Variants in KAZN observed in about 807,000 individuals in gnomAD.
KAZN encodes the protein kazrin, periplakin interacting protein.
Under a neutral mutation model 87.4 loss-of-function variants are expected in KAZN, and 40 were observed. The ratio of observed to expected loss-of-function variants is 0.46; its 90% CI spans 0.36 to 0.60. The LOEUF (loss-of-function observed/expected upper bound fraction) is 0.60, where lower values mean the gene tolerates loss of function less well. Among genes scored for constraint, KAZN ranks in the 20% least tolerant of loss-of-function variants. The pLI is 0.00. For synonymous variants in KAZN, 466 were observed against 458.3 expected (o/e 1.02, Z -0.22); for missense variants, 898 against 1,073.9 (o/e 0.84, Z 2.29).
At chr1:14,738,271 C>T (rs1643973027) in intron 1 of KAZN, among the ~76,000 whole-genome samples, 1 of 152,128 alleles carries the variant, frequency 6.6e-6, no homozygotes, top group Admixed American at 6.5e-5. Flanking sequence ...GCATGATTTG[C>T]CTGTGGTGTG....
intron 1 of KAZN, among the ~76,000 whole-genome samples, chr1:14,736,471 T>G (rs1643911481): frequency 6.8e-6 from 1 of 146,740 alleles, no homozygotes; most frequent in Non-Finnish European, 1.5e-5. Flanking sequence ...GCTAATTTTT[T>G]TTTTTTTTTT....
At chr1:14,944,156 C>T (rs904176354) in intron 1 of KAZN, among the ~76,000 whole-genome samples, 1 of 149,298 alleles carries the variant, frequency 6.7e-6, no homozygotes, top group Non-Finnish European at 1.5e-5. Flanking sequence ...GGAAGAAATT[C>T]TGTCTTCAGA....
intron 2 of KAZN, among the ~76,000 whole-genome samples, chr1:14,501,711 A>G (rs1670263665): frequency 6.6e-6 from 1 of 152,174 alleles, no homozygotes; most frequent in Admixed American, 6.5e-5. Context: ...ATAAATGGCA[A>G]TACTCCCCAA....
chr1:14,734,689 G>A (rs1643838333), intron 1 of KAZN, among the ~76,000 whole-genome samples: 1 of 152,188 alleles, frequency 6.6e-6, no homozygotes, highest in Non-Finnish European at 1.5e-5. Flanking sequence ...ACTAGCAAAG[G>A]CTGATCTCAT....
intron 2 of KAZN, among the ~76,000 whole-genome samples, chr1:14,342,121 T>C (rs1304271648): frequency 6.6e-6 from 1 of 152,212 alleles, no homozygotes; most frequent in Non-Finnish European, 1.5e-5. Flanking sequence ...CTAAGGATAA[T>C]GGCTTCTAGC....
At chr1:14,428,332 C>T (rs545799836) in intron 2 of KAZN, among the ~76,000 whole-genome samples, 1 of 152,098 alleles carries the variant, frequency 6.6e-6, no homozygotes, top group African/African-American at 2.4e-5. Context: ...ATATACCCTC[C>T]CCATTCAAAT....
intron 1 of KAZN, among the ~76,000 whole-genome samples, chr1:14,169,525 G>A (rs1030512349): frequency 6.6e-6 from 1 of 152,148 alleles, no homozygotes; most frequent in African/African-American, 2.4e-5. Context: ...GCTGTCCTAG[G>A]TTGAGCACAC....
Position 15,099,383 on chromosome 1 carries a change from G to C in KAZN, c.1548-2160G>C, listed in dbSNP as rs1272819811. Reference sequence around the variant, plus strand: ...TAGTGGACAAACCAGCAATTGCTTAGGTTCAGTATGTGATTAGAGCTTTGA... The same window carrying C: ...TAGTGGACAAACCAGCAATTGCTTACGTTCAGTATGTGATTAGAGCTTTGA... On this transcript the variant is annotated intron_variant, in intron 10 of 14. Transcript: ENST00000376030. The surrounding 1 kb of genome is among the most constrained non-coding windows in gnomAD (Gnocchi z 5.4). Among the ~76,000 whole-genome samples the C allele has an allele frequency of 3.3e-5, 5 of 152,244 alleles. No homozygotes were observed. Among genetic ancestry groups the C allele is most frequent in the African/African-American group, 1.2e-4 (5 of 41,470 alleles).
chr1:14,344,331 G>T (rs75319968), intron 2 of KAZN, among the ~76,000 whole-genome samples: 3 of 145,008 alleles, frequency 2.1e-5, no homozygotes, highest in East Asian at 2.0e-4. Context: ...GACATAGTGT[G>T]AAAAAAAAAA....
intron 2 of KAZN, among the ~76,000 whole-genome samples, chr1:14,578,532 G>T (rs1276266370): frequency 2.0e-5 from 3 of 152,134 alleles, no homozygotes; most frequent in African/African-American, 7.2e-5. Flanking sequence ...CTAGTTGAGA[G>T]TCTACTAATG....
exon 1 of KAZN, chr1:13,893,367 GC>G: frequency 3.7e-6 from 1 of 267,552 alleles, no homozygotes; most frequent in Non-Finnish European, 6.9e-6. Flanking sequence ...GGGTCAAGAA[GC>G]CACGACTCCT....
intron 1 of KAZN, chr1:14,924,420 G>A: frequency 3.0e-6 from 3 of 988,256 alleles, no homozygotes; most frequent in South Asian, 4.5e-5. Flanking sequence ...GCGGCGCAGG[G>A]CGAGCCGGCG....
At chr1:14,766,692 T>C (rs1195726873) in intron 1 of KAZN, among the ~76,000 whole-genome samples, 1 of 148,972 alleles carries the variant, frequency 6.7e-6, no homozygotes. Flanking sequence ...CACAGTCCAG[T>C]GGCATCGGCA....
chr1:14,368,325 G>A (rs185374227), intron 2 of KAZN, among the ~76,000 whole-genome samples: 20 of 152,200 alleles, frequency 1.3e-4, no homozygotes, highest in Middle Eastern at 6.8e-3. Flanking sequence ...CCTGAGAGCC[G>A]GATTTTAGCT....
At chr1:13,963,014 G>C (rs12092233) in intron 1 of KAZN, among the ~76,000 whole-genome samples, 1 of 152,214 alleles carries the variant, frequency 6.6e-6, no homozygotes, top group South Asian at 2.1e-4. Flanking sequence ...GAGACAAATT[G>C]GGGCCAGTTT....
chr1:14,632,831 C>A lies in KAZN; in HGVS notation c.226+33608C>A, dbSNP rs1679669366. Among the ~76,000 whole-genome samples the A allele has an allele frequency of 3.3e-5, 5 of 152,054 alleles. 1 individual carries two copies. Reference sequence around the variant, plus strand: ...ACACTGAGCCAGGTGTGGACCGTGGCGTGACCTGAATACATTTGTCACCAG... The same window carrying A: ...ACACTGAGCCAGGTGTGGACCGTGGAGTGACCTGAATACATTTGTCACCAG... On this transcript the variant is annotated intron_variant, in intron 1 of 14. Transcript: ENST00000376030.
intron 12 of KAZN, 71 bp from the exon 13 acceptor site, chr1:15,103,952 T>G: frequency 1.3e-6 from 2 of 1,488,164 alleles, no homozygotes; most frequent in Non-Finnish European, 1.8e-6. Context: ...GAGCCCCACG[T>G]GGAACTGGGG....
At chr1:14,477,971 G>T (rs1308253425) in intron 2 of KAZN, among the ~76,000 whole-genome samples, 1 of 152,182 alleles carries the variant, frequency 6.6e-6, no homozygotes, top group East Asian at 1.9e-4. Flanking sequence ...CGCCTCTGCT[G>T]CATGACCAGC....
At chr1:15,092,130 G>A (rs188801193) in intron 8 of KAZN, among the ~76,000 whole-genome samples, 61 of 138,226 alleles carry the variant, frequency 4.4e-4, no homozygotes, top group African/African-American at 1.4e-3. Context: ...AGGCTGGAGT[G>A]CAATGGCGCA....
Sources: allele counts gnomAD v4.1 joint callset (sites outside exome capture counted in the v4.1 genomes callset), GRCh38; gene constraint gnomAD v4.1.1; non-coding constraint Gnocchi (gnomAD v3.1); transcripts MANE v1.5; gene names NCBI Gene and HGNC (gene_info 2026-07-23, HGNC 2026-07-21).